A2ML1: variants seen among roughly 807,000 people sequenced by gnomAD.
A2ML1 encodes alpha-2-macroglobulin like 1.
A2ML1 carries 161 observed loss-of-function variants against 181.9 expected under a neutral mutation model. That is an observed-to-expected ratio of 0.89 (90% CI 0.78 to 1.01). A2ML1 has a LOEUF of 1.01. Ranked by LOEUF, A2ML1 falls within the 50% of genes least tolerant of loss-of-function variation. The probability of loss-of-function intolerance (pLI) is 0.00; values close to 1 mark genes in which losing one functional copy is unlikely to be tolerated. For missense variants in A2ML1, 1,670 were observed against 1,768.1 expected (o/e 0.94, Z 1.00); for synonymous variants, 663 against 666.8 (o/e 0.99, Z 0.09).
intron 7 of A2ML1, among the ~76,000 whole-genome samples, chr12:8,886,126 T>C (rs1323721961): frequency 6.6e-6 from 1 of 152,168 alleles, no homozygotes; most frequent in Non-Finnish European, 1.5e-5. Flanking sequence ...GCCCTAGCTA[T>C]TCTTGGCATT....
chr12:8,847,201 G>T (rs1592130628), intron 14 of A2ML1, among the ~76,000 whole-genome samples: 1 of 126,574 alleles, frequency 7.9e-6, no homozygotes. Context: ...CACCTGCCTT[G>T]GCCTCCCAAT....
At chr12:8,863,311 G>A (rs1239268436) in intron 28 of A2ML1, among the ~76,000 whole-genome samples, 1 of 151,962 alleles carries the variant, frequency 6.6e-6, no homozygotes, top group Non-Finnish European at 1.5e-5. Flanking sequence ...TCTCCATGTT[G>A]GTCAGGCTGG....
chr12:8,867,457 G>C (rs1344609100), intron 29 of A2ML1, among the ~76,000 whole-genome samples: 3 of 152,202 alleles, frequency 2.0e-5, no homozygotes, highest in Non-Finnish European at 4.4e-5. Context: ...AGACTAGCCT[G>C]ACCAACATGG....
intron 3 of A2ML1, among the ~76,000 whole-genome samples, chr12:8,825,816 G>A (rs1265921943): frequency 6.6e-6 from 1 of 152,084 alleles, no homozygotes; most frequent in Non-Finnish European, 1.5e-5. Flanking sequence ...TCTGCATATG[G>A]ATATCCAATT....
At chr12:8,834,973 T>G in intron 5 of A2ML1, 1 of 465,338 alleles carries the variant, frequency 2.1e-6, no homozygotes, top group Non-Finnish European at 3.8e-6. Context: ...CAGGCTTGGT[T>G]CCATACTCCC....
chr12:8,859,790 T>C (rs756522752), intron 26 of A2ML1, among the ~76,000 whole-genome samples: 1 of 152,138 alleles, frequency 6.6e-6, no homozygotes, highest in South Asian at 2.1e-4. Context: ...GGTCTTGAAC[T>C]CCTGGCCTCA....
rs1406902413 is a variant in A2ML1 at position 8,857,752 on chromosome 12, G to A, written c.3107+164G>A. ...ACCCTCATGGATGGTCAAGTCCCTCGATCTTCCTGAGCTTGTGCCTCCCCT... is the reference window on the plus strand; with the variant it reads ...ACCCTCATGGATGGTCAAGTCCCTCAATCTTCCTGAGCTTGTGCCTCCCCT... On this transcript the variant is annotated intron_variant, in intron 25 of 35. Coordinates refer to ENST00000299698, the MANE Select transcript of A2ML1 (RefSeq NM_144670.6). 37 of 1,096,488 alleles carry A rather than the reference G, an allele frequency of 3.4e-5. No homozygotes were observed. The East Asian group carries it at 5.6e-4, about 17-fold the overall frequency. 67.9% of individuals were successfully genotyped at this position (1,096,488 alleles called of 1,614,324 possible).
intron 35 of A2ML1, 45 bp from the exon 36 acceptor site, chr12:8,876,013 G>A (rs1262258447): frequency 6.6e-6 from 1 of 152,144 alleles, no homozygotes; most frequent in Non-Finnish European, 1.5e-5. Context: ...GAGCTTCTGA[G>A]TATCACAGTG....
intron 32 of A2ML1, 150 bp from the exon 33 acceptor site, chr12:8,868,985 A>G (rs1250167119): frequency 5.5e-6 from 4 of 726,848 alleles, no homozygotes; most frequent in Non-Finnish European, 7.1e-6. Flanking sequence ...TGTAGCAGAT[A>G]TATGACATGC....
At chr12:8,840,357 C>CAA (rs11296029) in intron 10 of A2ML1, among the ~76,000 whole-genome samples, 1 of 132,880 alleles carries the variant, frequency 7.5e-6, no homozygotes, top group Non-Finnish European at 1.6e-5. Flanking sequence ...GAGACTGTCT[C>CAA]AAAAAAAAAA....
downstream of A2ML1, among the ~76,000 whole-genome samples, chr12:8,877,588 C>T (rs921427450): frequency 1.3e-5 from 2 of 152,128 alleles, no homozygotes; most frequent in African/African-American, 2.4e-5. Context: ...TGAAAAAATG[C>T]TAACCATCAC....
chr12:8,872,102 C>T (rs976850555), intron 33 of A2ML1, among the ~76,000 whole-genome samples: 12 of 151,488 alleles, frequency 7.9e-5, no homozygotes, highest in Non-Finnish European at 1.8e-4. Flanking sequence ...TGGCGTGAAC[C>T]TGGGAGGCAG....
chr12:8,883,169 A>C (rs1418616324), intron 7 of A2ML1, among the ~76,000 whole-genome samples: 1 of 152,002 alleles, frequency 6.6e-6, no homozygotes, highest in Non-Finnish European at 1.5e-5. Context: ...AGCACCTGTG[A>C]TTCCAGCGGA....
chr12:8,868,918 A>T (rs1381398075), intron 32 of A2ML1, among the ~76,000 whole-genome samples: 1 of 152,160 alleles, frequency 6.6e-6, no homozygotes, highest in African/African-American at 2.4e-5. Context: ...GTGTGCATAT[A>T]TGTATATATT....
intron 33 of A2ML1, among the ~76,000 whole-genome samples, chr12:8,870,134 C>T (rs993838501): frequency 6.6e-6 from 1 of 152,104 alleles, no homozygotes; most frequent in African/African-American, 2.4e-5. Context: ...CAAGAATATC[C>T]CAAATCAAAA....
intron 13 of A2ML1, among the ~76,000 whole-genome samples, 156 bp downstream of exon 13, chr12:8,845,658 T>C (rs1037689823): frequency 6.6e-6 from 1 of 151,888 alleles, no homozygotes; most frequent in East Asian, 1.9e-4. Context: ...CCATCTTGGC[T>C]AACATGGTGA....
chr12:8,857,135 T>C lies in A2ML1; in HGVS notation c.2849-29T>C, dbSNP rs78452682. ...GAGGGTCCCTTCTTCTCTGTACCCC[T>C]ACCTTCTCTCTCTCCTTTTGGATCC... On this transcript the variant is annotated intron_variant, in intron 23 of 35. Coordinates refer to ENST00000299698, the MANE Select transcript of A2ML1 (RefSeq NM_144670.6). 6.3e-3 allele frequency: 10,038 copies of C among 1,604,092 alleles called. 566 individuals are homozygous for C. The African/African-American group carries it at 0.12, about 19-fold the overall frequency.
intron 33 of A2ML1, among the ~76,000 whole-genome samples, chr12:8,872,569 C>G (rs994472819): frequency 1.3e-5 from 2 of 151,908 alleles, no homozygotes; most frequent in Non-Finnish European, 2.9e-5. Context: ...ATCACGAGAT[C>G]AGGAGTTCGA....
At chr12:8,871,092 C>T (rs748014521) in intron 33 of A2ML1, among the ~76,000 whole-genome samples, 1 of 152,172 alleles carries the variant, frequency 6.6e-6, no homozygotes, top group Non-Finnish European at 1.5e-5. Context: ...CAATCTCAGA[C>T]AAGCAATGTT....
Sources: allele counts gnomAD v4.1 joint callset (sites outside exome capture counted in the v4.1 genomes callset), GRCh38; gene constraint gnomAD v4.1.1; transcripts MANE v1.5; gene names NCBI Gene and HGNC (gene_info 2026-07-23, HGNC 2026-07-21).